Variants in SGIP1 observed in about 807,000 individuals in gnomAD.
The protein encoded by SGIP1 is SH3-containing GRB2-like protein 3-interacting protein 1.
In SGIP1, 38 loss-of-function variants were observed where a neutral mutation model predicts 107.5. The observed-to-expected ratio is 0.35, with a 90% CI of 0.27 to 0.46. The LOEUF is 0.46. Among genes scored for constraint, SGIP1 ranks in the 20% least tolerant of loss-of-function variants. The pLI, the probability that SGIP1 is intolerant of heterozygous loss-of-function variation, is 1.00. For synonymous variants in SGIP1, 365 were observed against 366.1 expected (o/e 1.00, Z 0.03); for missense variants, 929 against 1,019.5 (o/e 0.91, Z 1.21).
At chr1:66,739,619 A>G (rs2094382759) in intron 22 of SGIP1, 82 bp downstream of exon 22, 2 of 1,414,322 alleles carry the variant, frequency 1.4e-6, no homozygotes, top group Non-Finnish European at 2.0e-6. Context: ...CGTGTCCTGT[A>G]GGAGGAGATG....
chr1:66,660,552 G>A (rs1207575832), intron 8 of SGIP1, 28 bp downstream of exon 8: 42 of 1,595,938 alleles, frequency 2.6e-5, no homozygotes, highest in Non-Finnish European at 3.6e-5. Context: ...CCCGCTTTTG[G>A]GGCAAACATT....
At chr1:66,621,010 C>T (rs756813201) in intron 1 of SGIP1, among the ~76,000 whole-genome samples, 6 of 152,078 alleles carry the variant, frequency 3.9e-5, no homozygotes, top group Non-Finnish European at 5.9e-5. Context: ...ACAAGATGCC[C>T]GCATGGATGG....
intron 19 of SGIP1, among the ~76,000 whole-genome samples, chr1:66,725,816 G>C (rs369456947): frequency 6.6e-6 from 1 of 152,190 alleles, no homozygotes; most frequent in African/African-American, 2.4e-5. Flanking sequence ...ATGGGAAGGT[G>C]TTTCACTGAG....
At chr1:66,534,447 T>C in intron 1 of SGIP1, 79 bp downstream of exon 1, 2 of 1,527,306 alleles carry the variant, frequency 1.3e-6, no homozygotes, top group Non-Finnish European at 1.8e-6. Flanking sequence ...GTGCAGCCAG[T>C]GTATGTGGCG....
At chr1:66,573,890 G>A (rs773802850) in intron 1 of SGIP1, among the ~76,000 whole-genome samples, 7 of 152,042 alleles carry the variant, frequency 4.6e-5, no homozygotes, top group Non-Finnish European at 8.8e-5. Flanking sequence ...AAAGCTGCAT[G>A]TGTACCCCTA....
At chr1:66,682,426 G>A in intron 15 of SGIP1, 57 bp downstream of exon 15, 5 of 1,553,894 alleles carry the variant, frequency 3.2e-6, no homozygotes, top group Non-Finnish European at 4.3e-6. Context: ...GGCTGCTGCA[G>A]TGTGAGCAAC....
intron 1 of SGIP1, among the ~76,000 whole-genome samples, chr1:66,571,206 G>A (rs1051446715): frequency 6.6e-6 from 1 of 151,974 alleles, no homozygotes; most frequent in African/African-American, 2.4e-5. Context: ...GAAGCAAACA[G>A]ACAAATGGAG....
chr1:66,663,332 C>T (rs1165210571), intron 8 of SGIP1, among the ~76,000 whole-genome samples: 2 of 152,074 alleles, frequency 1.3e-5, no homozygotes, highest in African/African-American at 4.8e-5. Context: ...TTTTCTTCTG[C>T]CTTTGAAGAA....
At chr1:66,671,233 T>C (rs1277741700) in intron 10 of SGIP1, among the ~76,000 whole-genome samples, 3 of 152,300 alleles carry the variant, frequency 2.0e-5, no homozygotes, top group East Asian at 3.9e-4. Flanking sequence ...AATAAATATG[T>C]TTTTGGAAAA....
chr1:66,595,464 C>A (rs765958091), intron 1 of SGIP1, among the ~76,000 whole-genome samples: 13 of 152,196 alleles, frequency 8.5e-5, no homozygotes, highest in Non-Finnish European at 1.5e-4. Context: ...CATATTATTT[C>A]TCATCAGTGT....
At chr1:66,635,446 T>C (rs539355144) in intron 3 of SGIP1, among the ~76,000 whole-genome samples, 10 of 147,198 alleles carry the variant, frequency 6.8e-5, no homozygotes, top group African/African-American at 2.7e-4. Context: ...GAGAAGGTCA[T>C]TTTTTATCAC....
At chr1:66,589,206 A>ACATGTGTGTGTGTG (rs2063188337) in intron 1 of SGIP1, among the ~76,000 whole-genome samples, 1 of 63,308 alleles carries the variant, frequency 1.6e-5, no homozygotes, top group African/African-American at 5.2e-5. Context: ...ATATATATAT[A>ACATGTGTGTGTGTG]TATATATATA....
Position 66,745,438 on chromosome 1 carries a change from G to A in SGIP1, c.*2343G>A, listed in dbSNP as rs1372538613. 4 of 152,022 alleles carry A rather than the reference G, an allele frequency of 2.6e-5. No individual in the cohort carries two copies. Among genetic ancestry groups the A allele is most frequent in the South Asian group, 4.1e-4 (2 of 4,834 alleles). The allele number at this position is 152,022 out of a possible 1,614,324, so 9.4% of individuals were successfully genotyped here. A position where few individuals can be genotyped will look rare whatever the true frequency, so the allele number is the denominator to read the frequency against. ...ATAATAACACAATAAGCTGGTATCA[G>A]GGATTTGCATTTTGACATTTTGTTG... is the stretch of plus-strand genomic sequence containing the variant. On this transcript the variant is annotated 3_prime_UTR_variant, in exon 25 of 25. Transcript: ENST00000371037.
At chr1:66,549,137 G>GCCTGCCTTCCTGCCTTCCTTCCTTCCTT (rs1051893057) in intron 1 of SGIP1, among the ~76,000 whole-genome samples, 1 of 144,424 alleles carries the variant, frequency 6.9e-6, no homozygotes, top group African/African-American at 2.6e-5. Context: ...CTGGCTACCT[G>GCCTGCCTTCCTGCCTTCCTTCCTTCCTT]CCTTCCTTCC....
At chr1:66,550,926 AT>A (rs927476022) in intron 1 of SGIP1, among the ~76,000 whole-genome samples, 44 of 152,078 alleles carry the variant, frequency 2.9e-4, no homozygotes, top group African/African-American at 1.0e-3. Context: ...GTGTCTCTTA[AT>A]TTTTACCTTT....
intron 22 of SGIP1, 22 bp from the exon 23 acceptor site, chr1:66,740,636 C>A (rs1330018623): frequency 6.4e-7 from 1 of 1,556,982 alleles, no homozygotes; most frequent in South Asian, 1.1e-5. Flanking sequence ...ATGCAAAAAC[C>A]TTTTACCTAA....
At chr1:66,704,494 G>T (rs981872362) in intron 18 of SGIP1, 2 of 152,060 alleles carry the variant, frequency 1.3e-5, no homozygotes, top group African/African-American at 4.8e-5. Flanking sequence ...TTTTATTAAA[G>T]GATTTGTAAA....
chr1:66,749,818 TACA>T lies in SGIP1; in HGVS notation c.*6728_*6730del, dbSNP rs1443060167. Among the ~76,000 whole-genome samples the T allele has an allele frequency of 4.6e-5, 7 of 152,148 alleles. No homozygotes were observed. Among genetic ancestry groups the T allele is most frequent in the Non-Finnish European group, 1.0e-4 (7 of 68,002 alleles). ...CATCACTCTAAGGTATTTTAAATCATACAACAAGTAACTATCACAAGAACCACT... is the reference window on the plus strand; with the variant it reads ...CATCACTCTAAGGTATTTTAAATCATACAAGTAACTATCACAAGAACCACT... On this transcript the variant is annotated 3_prime_UTR_variant, in exon 25 of 25. Coordinates refer to ENST00000371037, the MANE Select transcript of SGIP1 (RefSeq NM_032291.4).
chr1:66,597,371 TA>T (rs1263214883), intron 1 of SGIP1, among the ~76,000 whole-genome samples: 1 of 152,258 alleles, frequency 6.6e-6, no homozygotes, highest in Non-Finnish European at 1.5e-5. Context: ...GCACCTTATT[TA>T]AAACTTGACA....
Sources: gnomAD v4.1 joint callset for allele counts (sites outside exome capture counted in the v4.1 genomes callset) on GRCh38, gnomAD v4.1.1 for gene constraint, MANE v1.5 for transcripts, NCBI Gene and HGNC (gene_info 2026-07-23, HGNC 2026-07-21) for gene names.